Variants in SHISA9 observed in about 807,000 individuals in gnomAD.
SHISA9 encodes the protein protein shisa-9.
A neutral mutation model predicts 38.0 loss-of-function variants in SHISA9; 13 were observed. The ratio of observed to expected loss-of-function variants is 0.34; its 90% CI spans 0.22 to 0.54. SHISA9 has a LOEUF of 0.54. SHISA9 is among the 20% of genes least tolerant of loss of function. The pLI, the probability that SHISA9 is intolerant of heterozygous loss-of-function variation, is 0.91. For synonymous variants in SHISA9, 275 were observed against 242.0 expected (o/e 1.14, Z -1.27); for missense variants, 538 against 575.8 (o/e 0.93, Z 0.67).
intron 2 of SHISA9, 55 bp from the exon 3 acceptor site, chr16:13,203,339 A>C: frequency 7.1e-7 from 1 of 1,403,830 alleles, no homozygotes; most frequent in Non-Finnish European, 9.3e-7. Context: ...ATGGGAGGGA[A>C]GGTAGATGGT....
the SHISA9 span, among the ~76,000 whole-genome samples, chr16:13,314,647 A>G: frequency 6.6e-6 from 1 of 152,152 alleles, no homozygotes; most frequent in Non-Finnish European, 1.5e-5. Context: ...ATATGCACAC[A>G]TCTGTGAACC....
At chr16:13,461,999 G>A in the SHISA9 span, among the ~76,000 whole-genome samples, 1 of 152,094 alleles carries the variant, frequency 6.6e-6, no homozygotes, top group Non-Finnish European at 1.5e-5. Context: ...GTATTTTCCA[G>A]TCTTATTAAT....
chr16:13,366,123 A>G, the SHISA9 span, among the ~76,000 whole-genome samples: 2 of 152,210 alleles, frequency 1.3e-5, no homozygotes, highest in Non-Finnish European at 2.9e-5. Flanking sequence ...TTCAAGGGCC[A>G]TGTGTAAAAT....
At chr16:13,137,380 A>G (rs766367634) in intron 2 of SHISA9, among the ~76,000 whole-genome samples, 10 of 152,214 alleles carry the variant, frequency 6.6e-5, no homozygotes, top group Admixed American at 1.3e-4. Flanking sequence ...CACTTATTAC[A>G]TCTATTAGCA....
chr16:13,352,926 G>C, the SHISA9 span, among the ~76,000 whole-genome samples: 1 of 152,138 alleles, frequency 6.6e-6, no homozygotes, highest in Non-Finnish European at 1.5e-5. Context: ...CATCAGTTAA[G>C]GTGGGGCAGG....
chr16:13,346,419 C>G, the SHISA9 span, among the ~76,000 whole-genome samples: 119,699 of 152,068 alleles, frequency 0.79, 47,402 homozygotes, highest in East Asian at 0.96. Flanking sequence ...GGTCGTCTCT[C>G]AATCAAGTGC....
intron 2 of SHISA9, among the ~76,000 whole-genome samples, chr16:13,112,218 A>G (rs2073985835): frequency 1.3e-5 from 2 of 152,108 alleles, no homozygotes; most frequent in South Asian, 4.2e-4. Context: ...TTAGTTCTTG[A>G]TATGTTTAGA....
At chr16:12,994,790 A>C (rs1052235555) in intron 2 of SHISA9, among the ~76,000 whole-genome samples, 1 of 152,124 alleles carries the variant, frequency 6.6e-6, no homozygotes, top group African/African-American at 2.4e-5. Flanking sequence ...TGGAGGTGGC[A>C]AGGATGTCCG....
the SHISA9 span, among the ~76,000 whole-genome samples, chr16:13,345,335 T>C: frequency 6.6e-6 from 1 of 152,170 alleles, no homozygotes; most frequent in Non-Finnish European, 1.5e-5. Context: ...TAGCTCCCAC[T>C]TGTAAGTGAG....
At chr16:13,422,096 A>G in the SHISA9 span, among the ~76,000 whole-genome samples, 25 of 152,198 alleles carry the variant, frequency 1.6e-4, no homozygotes, top group Non-Finnish European at 2.5e-4. Context: ...CTGTGGCCAC[A>G]GGAGAGAGCA....
chr16:13,299,691 C>T, the SHISA9 span, among the ~76,000 whole-genome samples: 12 of 145,590 alleles, frequency 8.2e-5, no homozygotes, highest in Admixed American at 7.2e-5. Flanking sequence ...TTAGCCTGGG[C>T]GACAGAGTGA....
chr16:13,528,717 C>T, the SHISA9 span, among the ~76,000 whole-genome samples: 2 of 152,170 alleles, frequency 1.3e-5, no homozygotes, highest in Admixed American at 1.3e-4. Flanking sequence ...AATCTCCCCA[C>T]GGTAACATAG....
chr16:12,944,042 C>A (rs1001835332), intron 2 of SHISA9, among the ~76,000 whole-genome samples: 2 of 152,118 alleles, frequency 1.3e-5, no homozygotes, highest in African/African-American at 4.8e-5. Flanking sequence ...GGGTTCCTGG[C>A]CTCTACCCAC....
intron 2 of SHISA9, among the ~76,000 whole-genome samples, chr16:13,141,472 G>A (rs2050401213): frequency 6.6e-6 from 1 of 151,982 alleles, no homozygotes; most frequent in African/African-American, 2.4e-5. Flanking sequence ...AGATCATGAG[G>A]TCAAGAGATC....
At chr16:12,915,482 G>A (rs1342005832) in intron 1 of SHISA9, among the ~76,000 whole-genome samples, 1 of 152,164 alleles carries the variant, frequency 6.6e-6, no homozygotes, top group South Asian at 2.1e-4. Flanking sequence ...GTTGTTTATC[G>A]GGGCTGGGGA....
chr16:13,534,964 G>A, the SHISA9 span, among the ~76,000 whole-genome samples: 5 of 152,100 alleles, frequency 3.3e-5, no homozygotes, highest in Non-Finnish European at 7.3e-5. Context: ...CTGCTTCCCG[G>A]CTGGGCACAG....
chr16:13,537,382 C>A, the SHISA9 span, among the ~76,000 whole-genome samples: 1 of 148,758 alleles, frequency 6.7e-6, no homozygotes, highest in Non-Finnish European at 1.5e-5. Flanking sequence ...GAGCCGAGAT[C>A]ACACCATTGC....
At chr16:13,124,480 G>A (rs1291915269) in intron 2 of SHISA9, among the ~76,000 whole-genome samples, 6 of 152,164 alleles carry the variant, frequency 3.9e-5, no homozygotes, top group Non-Finnish European at 5.9e-5. Context: ...AGCAGTTTAT[G>A]TGATTACTTT....
intron 2 of SHISA9, among the ~76,000 whole-genome samples, chr16:12,970,241 G>A (rs2072037103): frequency 6.9e-6 from 1 of 145,222 alleles, no homozygotes; most frequent in Non-Finnish European, 1.5e-5. Flanking sequence ...GTATTGTGTA[G>A]TGGTAAAGTA....
Sources: allele counts gnomAD v4.1 joint callset (sites outside exome capture counted in the v4.1 genomes callset), GRCh38; gene constraint gnomAD v4.1.1; transcripts MANE v1.5; gene names NCBI Gene and HGNC (gene_info 2026-07-23, HGNC 2026-07-21).